The following NRG1 variants were observed in gnomAD, a reference collection of about 807,000 sequenced individuals.
The protein encoded by NRG1 is pro-neuregulin-1, membrane-bound isoform.
NRG1 carries 18 observed loss-of-function variants against 63.8 expected under a neutral mutation model. The observed-to-expected ratio is 0.28, with a 90% CI of 0.19 to 0.42. NRG1 has a LOEUF of 0.42. Ranked by LOEUF, NRG1 falls within the 10% of genes least tolerant of loss-of-function variation. The pLI is 1.00. For synonymous variants in NRG1, 302 were observed against 301.3 expected, an observed-to-expected ratio of 1.00 and a Z score of -0.02; for missense variants, 762 against 814.7, an observed-to-expected ratio of 0.94 and a Z score of 0.79.
chr8:32,705,390 C>G (rs1245120183), intron 5 of NRG1, among the ~76,000 whole-genome samples: 1 of 152,130 alleles, frequency 6.6e-6, no homozygotes, highest in Admixed American at 6.5e-5. Flanking sequence ...CTCGGCCTCC[C>G]AAAGTGCTGA....
intron 1 of NRG1, among the ~76,000 whole-genome samples, chr8:32,413,596 C>T (rs1012467549): frequency 5.3e-5 from 8 of 152,150 alleles, no homozygotes; most frequent in African/African-American, 1.9e-4. Flanking sequence ...GTGAAATCTG[C>T]CTTCTATAGA....
At chr8:32,405,441 C>T (rs922715437) in intron 1 of NRG1, among the ~76,000 whole-genome samples, 9 of 152,226 alleles carry the variant, frequency 5.9e-5, no homozygotes, top group African/African-American at 2.2e-4. Flanking sequence ...AGCCTTCCAA[C>T]AGCAGAGGGG....
intron 1 of NRG1, among the ~76,000 whole-genome samples, chr8:32,080,400 T>A (rs1827265196): frequency 6.6e-6 from 1 of 152,196 alleles, no homozygotes; most frequent in Non-Finnish European, 1.5e-5. Context: ...GCCACAGTCA[T>A]GTCCCTTAAT....
At chr8:31,709,554 T>C (rs1269861880) in intron 1 of NRG1, among the ~76,000 whole-genome samples, 1 of 152,104 alleles carries the variant, frequency 6.6e-6, no homozygotes, top group Non-Finnish European at 1.5e-5. Flanking sequence ...AAAAATGTGG[T>C]AGAATTTTCC....
intron 1 of NRG1, among the ~76,000 whole-genome samples, chr8:32,334,911 G>A (rs998610724): frequency 6.6e-6 from 1 of 152,224 alleles, no homozygotes; most frequent in African/African-American, 2.4e-5. Flanking sequence ...CTCCTTTAAT[G>A]TCAATAAACA....
At chr8:32,406,681 T>C (rs1038394860) in intron 1 of NRG1, among the ~76,000 whole-genome samples, 8 of 152,202 alleles carry the variant, frequency 5.3e-5, no homozygotes, top group African/African-American at 1.9e-4. Context: ...TTTAATATTA[T>C]ATATACATAA....
chr8:31,666,021 C>T (rs894351009), intron 1 of NRG1, among the ~76,000 whole-genome samples: 3 of 152,042 alleles, frequency 2.0e-5, no homozygotes, highest in Non-Finnish European at 4.4e-5. Flanking sequence ...TGCCTCCTAC[C>T]GTGTTTTTAT....
intron 1 of NRG1, among the ~76,000 whole-genome samples, chr8:32,167,629 A>G (rs1034557226): frequency 1.3e-5 from 2 of 152,230 alleles, no homozygotes; most frequent in Admixed American, 6.5e-5. Context: ...GGTTTGGGAT[A>G]TGATAAAATG....
At chr8:32,627,440 A>G (rs1849495700) in intron 5 of NRG1, among the ~76,000 whole-genome samples, 1 of 152,176 alleles carries the variant, frequency 6.6e-6, no homozygotes, top group Admixed American at 6.6e-5. Flanking sequence ...ACTTTTGTTT[A>G]GGCCATCTGG....
At chr8:32,239,349 T>C (rs1586306809) in intron 1 of NRG1, among the ~76,000 whole-genome samples, 2 of 151,046 alleles carry the variant, frequency 1.3e-5, no homozygotes, top group African/African-American at 4.9e-5. Context: ...AATTCATTTC[T>C]CACATCTTAT....
intron 1 of NRG1, among the ~76,000 whole-genome samples, chr8:31,751,823 G>A (rs1586149051): frequency 6.6e-6 from 1 of 151,942 alleles, no homozygotes; most frequent in East Asian, 1.9e-4. Context: ...GATGTTTAAG[G>A]TGACATAGAA....
intron 1 of NRG1, among the ~76,000 whole-genome samples, chr8:31,996,199 TAC>T (rs954150670): frequency 1.3e-5 from 2 of 151,942 alleles, no homozygotes; most frequent in Non-Finnish European, 2.9e-5. Flanking sequence ...ATAAAATTTA[TAC>T]AGTCTTTAAG....
At chr8:32,772,041 G>GTATATATATATATA (rs1157977487), downstream of NRG1, among the ~76,000 whole-genome samples, 2 of 10,552 alleles carry the variant, frequency 1.9e-4, no homozygotes, top group Non-Finnish European at 3.6e-4. Context: ...AAAAAAATAT[G>GTATATATATATATA]TATATATATA....
chr8:32,519,761 A>T lies in NRG1; in HGVS notation c.38-76067A>T, dbSNP rs1450254059. Among the ~76,000 whole-genome samples the T allele has an allele frequency of 5.9e-5, 9 of 152,244 alleles. No homozygotes were observed. The East Asian group carries it at 1.7e-3, about 29-fold the overall frequency. On this transcript the variant is annotated intron_variant, in intron 1 of 10. Coordinates refer to the NRG1 transcript ENST00000519301. ...AAGCAGAATATTTTCCTTCCGAGAG[A>T]TTTGAAATTTGTGATAAACACGTTT... is the stretch of plus-strand genomic sequence containing the variant.
At chr8:31,982,089 G>GA (rs1809214063) in intron 1 of NRG1, among the ~76,000 whole-genome samples, 2 of 151,882 alleles carry the variant, frequency 1.3e-5, no homozygotes, top group South Asian at 4.1e-4. Context: ...GACAGTGGGA[G>GA]AAGGGAATTC....
At chr8:32,241,657 A>G (rs938486336) in intron 1 of NRG1, among the ~76,000 whole-genome samples, 1 of 152,190 alleles carries the variant, frequency 6.6e-6, no homozygotes, top group South Asian at 2.1e-4. Flanking sequence ...ATGAGATCCC[A>G]TTAGGGTTCA....
chr8:32,533,395 G>T (rs767935207), intron 1 of NRG1, among the ~76,000 whole-genome samples: 6 of 151,822 alleles, frequency 4.0e-5, no homozygotes, highest in Non-Finnish European at 7.4e-5. Flanking sequence ...ATTTTTTTAG[G>T]CTATGTCTGC....
At chr8:31,662,830 G>T (rs890984447) in intron 1 of NRG1, among the ~76,000 whole-genome samples, 1 of 152,076 alleles carries the variant, frequency 6.6e-6, no homozygotes, top group African/African-American at 2.4e-5. Flanking sequence ...CTTATTGTTG[G>T]GATGAAGAAG....
chr8:32,068,509 T>C (rs1311202295), intron 1 of NRG1, among the ~76,000 whole-genome samples: 1 of 152,106 alleles, frequency 6.6e-6, no homozygotes, highest in Admixed American at 6.6e-5. Context: ...CAAGCTAGTC[T>C]TAATTAGGAG....
Sources: allele counts gnomAD v4.1 joint callset (sites outside exome capture counted in the v4.1 genomes callset), GRCh38; gene constraint gnomAD v4.1.1; transcripts MANE v1.5; gene names NCBI Gene and HGNC (gene_info 2026-07-23, HGNC 2026-07-21).